NR1H4: variants seen among roughly 807,000 people sequenced by gnomAD.
NR1H4 encodes the protein bile acid receptor.
NR1H4 carries 23 observed loss-of-function variants against 58.5 expected under a neutral mutation model. The observed-to-expected ratio is 0.39, with a 90% CI of 0.28 to 0.56. NR1H4 has a LOEUF of 0.56. Among genes scored for constraint, NR1H4 ranks in the 20% least tolerant of loss-of-function variants. NR1H4 has a pLI of 0.58. For missense variants in NR1H4, 487 were observed against 576.9 expected, an observed-to-expected ratio of 0.84 and a Z score of 1.60; for synonymous variants, 214 against 198.0, an observed-to-expected ratio of 1.08 and a Z score of -0.68.
At chr12:100,529,984 TA>T (rs1309683659) in intron 4 of NR1H4, among the ~76,000 whole-genome samples, 5 of 152,238 alleles carry the variant, frequency 3.3e-5, no homozygotes, top group Non-Finnish European at 5.9e-5. Context: ...GACCTGCTTC[TA>T]CATTTCAATA....
intron 1 of NR1H4, among the ~76,000 whole-genome samples, chr12:100,491,698 T>A (rs1324461024): frequency 6.6e-6 from 1 of 151,906 alleles, no homozygotes; most frequent in Admixed American, 6.6e-5. Flanking sequence ...TTTGATGGGC[T>A]ATGCCGTGGG....
intron 3 of NR1H4, among the ~76,000 whole-genome samples, chr12:100,507,801 G>A (rs1954004748): frequency 6.6e-6 from 1 of 152,096 alleles, no homozygotes; most frequent in Non-Finnish European, 1.5e-5. Context: ...CAGAAGGAAA[G>A]GAAATTGATT....
rs1392241997 is a variant in NR1H4, at chr12:100,563,446, A to G, written c.1388A>G (p.His463Arg). The change falls in exon 11 of 11, where the codon CAC (histidine) becomes CGC (arginine). Residue 463 changes from histidine (H) to arginine (R), a missense_variant. By Grantham distance (29) the His-to-Arg change is conservative. Coordinates refer to ENST00000392986, the MANE Select transcript of NR1H4 (RefSeq NM_001206979.2). ...CTGATGTCATGGAGAGTAAACGACC[A>G]CAAGTTTACCCCACTTCTCTGTGAA... Reference protein sequence around the residue: ...EMLMSWRVNDHKFTPLLCEIW... With the variant: ...EMLMSWRVNDRKFTPLLCEIW... 1.9e-6 allele frequency: 3 copies of G among 1,614,096 alleles called. No homozygotes were observed.
chr12:100,501,747 A>G (rs1318397368), intron 3 of NR1H4, among the ~76,000 whole-genome samples: 1 of 152,260 alleles, frequency 6.6e-6, no homozygotes, highest in South Asian at 2.1e-4. Flanking sequence ...CATATTTACT[A>G]TCTCATTTTA....
chr12:100,508,490 G>A (rs1954024820), intron 3 of NR1H4, among the ~76,000 whole-genome samples: 1 of 152,048 alleles, frequency 6.6e-6, no homozygotes, highest in South Asian at 2.1e-4. Context: ...TACCCCCAGA[G>A]AGCAGCAATT....
intron 4 of NR1H4, among the ~76,000 whole-genome samples, chr12:100,514,671 A>G (rs1954217083): frequency 1.3e-5 from 2 of 152,144 alleles, no homozygotes; most frequent in Non-Finnish European, 2.9e-5. Flanking sequence ...AAAGTATAAT[A>G]TAGAGCTTCT....
At chr12:100,493,126 G>A (rs762889410) in intron 2 of NR1H4, 144 bp from the exon 3 acceptor site, 23 of 574,496 alleles carry the variant, frequency 4.0e-5, no homozygotes, top group Non-Finnish European at 6.2e-5. Context: ...ATTGAGAAAA[G>A]ATACATACAG....
At chr12:100,483,656 C>G (rs908660240) in intron 1 of NR1H4, among the ~76,000 whole-genome samples, 1 of 152,020 alleles carries the variant, frequency 6.6e-6, no homozygotes, top group Admixed American at 6.5e-5. Flanking sequence ...AACGTTTTTT[C>G]TTTTCCTAGA....
At chr12:100,532,394 A>T in intron 4 of NR1H4, 64 bp from the exon 5 acceptor site, 3 of 1,569,486 alleles carry the variant, frequency 1.9e-6, no homozygotes, top group African/African-American at 2.7e-5. Context: ...TCTCAATCCA[A>T]ACCTGTTTTT....
At chr12:100,549,736 C>G (rs769068816) in intron 9 of NR1H4, among the ~76,000 whole-genome samples, 1 of 152,130 alleles carries the variant, frequency 6.6e-6, no homozygotes, top group Non-Finnish European at 1.5e-5. Context: ...CTCCAAATAT[C>G]AACCATATAT....
intron 5 of NR1H4, among the ~76,000 whole-genome samples, chr12:100,533,890 C>CTTTTTTTTTTTTTTTTT (rs758465149): frequency 4.9e-5 from 7 of 143,400 alleles, no homozygotes; most frequent in South Asian, 2.2e-4. Flanking sequence ...TAATAGCTCT[C>CTTTTTTTTTTTTTTTTT]TTTTTTTTTT....
chr12:100,523,538 G>A (rs1401032704), intron 4 of NR1H4, among the ~76,000 whole-genome samples: 1 of 152,104 alleles, frequency 6.6e-6, no homozygotes, highest in Non-Finnish European at 1.5e-5. Context: ...TTATTTTGCT[G>A]TGTAGAATCT....
At chr12:100,523,228 C>G (rs1954471710) in intron 4 of NR1H4, among the ~76,000 whole-genome samples, 1 of 152,074 alleles carries the variant, frequency 6.6e-6, no homozygotes, top group African/African-American at 2.4e-5. Flanking sequence ...TATTTTTTGA[C>G]TTTTTAAAAA....
chr12:100,554,976 T>C (rs536221037), intron 9 of NR1H4, among the ~76,000 whole-genome samples: 1 of 152,334 alleles, frequency 6.6e-6, no homozygotes, highest in African/African-American at 2.4e-5. Flanking sequence ...TATTTCTTTT[T>C]TACATTTTCT....
intron 9 of NR1H4, among the ~76,000 whole-genome samples, chr12:100,546,417 C>T (rs765344427): frequency 2.6e-5 from 4 of 152,196 alleles, no homozygotes; most frequent in East Asian, 1.9e-4. Context: ...CGTCCATTGC[C>T]GGGCGCGGTG....
chr12:100,561,577 T>G (rs577489912), intron 9 of NR1H4, among the ~76,000 whole-genome samples: 1 of 152,110 alleles, frequency 6.6e-6, no homozygotes, highest in Non-Finnish European at 1.5e-5. Context: ...AATGGAGACG[T>G]TTTTGAGATT....
chr12:100,520,029 A>C (rs1275022186), intron 4 of NR1H4, among the ~76,000 whole-genome samples: 3 of 152,112 alleles, frequency 2.0e-5, no homozygotes, highest in Non-Finnish European at 4.4e-5. Context: ...TGTGAGGAAA[A>C]CCAGAGGAGA....
At chr12:100,506,434 T>C (rs976923785) in intron 3 of NR1H4, among the ~76,000 whole-genome samples, 1 of 152,224 alleles carries the variant, frequency 6.6e-6, no homozygotes, top group Non-Finnish European at 1.5e-5. Context: ...TCCTTTGTAA[T>C]TACTTCTCTA....
intron 9 of NR1H4, among the ~76,000 whole-genome samples, chr12:100,550,999 A>C (rs932374754): frequency 6.6e-6 from 1 of 152,184 alleles, no homozygotes; most frequent in Non-Finnish European, 1.5e-5. Context: ...GCTCAAGTTC[A>C]TACAGCTAAT....
Sources: gnomAD v4.1 joint callset for allele counts (sites outside exome capture counted in the v4.1 genomes callset) on GRCh38, gnomAD v4.1.1 for gene constraint, MANE v1.5 for transcripts, NCBI Gene and HGNC (gene_info 2026-07-23, HGNC 2026-07-21) for gene names.